Variants in CIT observed in about 807,000 individuals in gnomAD.
CIT encodes citron Rho-interacting kinase.
In CIT, 79 loss-of-function variants were observed where a neutral mutation model predicts 272.7. That is an observed-to-expected ratio of 0.29 (90% CI 0.24 to 0.35). The LOEUF (loss-of-function observed/expected upper bound fraction) is 0.35, where lower values mean the gene tolerates loss of function less well. CIT is among the 10% of genes least tolerant of loss of function. The pLI, the probability that CIT is intolerant of heterozygous loss-of-function variation, is 1.00. For synonymous variants in CIT, 948 were observed against 995.6 expected, an observed-to-expected ratio of 0.95 and a Z score of 0.90; for missense variants, 1,909 against 2,618.3, an observed-to-expected ratio of 0.73 and a Z score of 5.91.
chr12:119,757,856 T>C (rs1160395131), intron 21 of CIT, among the ~76,000 whole-genome samples: 1 of 152,182 alleles, frequency 6.6e-6, no homozygotes, highest in Non-Finnish European at 1.5e-5. Flanking sequence ...TGTGAGTCTG[T>C]GTAGGGACAG....
At chr12:119,863,002 A>G (rs2138352144) in intron 3 of CIT, among the ~76,000 whole-genome samples, 1 of 149,834 alleles carries the variant, frequency 6.7e-6, no homozygotes, top group East Asian at 2.0e-4. Context: ...CAAGAGTTGG[A>G]GACCAGCGTG....
At chr12:119,826,394 A>G (rs1041138990) in intron 7 of CIT, among the ~76,000 whole-genome samples, 1 of 152,194 alleles carries the variant, frequency 6.6e-6, no homozygotes, top group African/African-American at 2.4e-5. Context: ...TAACCCATTT[A>G]AAGGACTGTC....
chr12:119,698,308 G>C, intron 44 of CIT: 1 of 461,570 alleles, frequency 2.2e-6, no homozygotes, highest in Non-Finnish European at 4.0e-6. Context: ...TAATACATCT[G>C]GCTGGGCGTG....
At chr12:119,706,068 T>C (rs1956863882) in intron 40 of CIT, among the ~76,000 whole-genome samples, 1 of 145,000 alleles carries the variant, frequency 6.9e-6, no homozygotes, top group African/African-American at 2.7e-5. Context: ...CCAGCCTGGG[T>C]GACAGAGCAA....
intron 13 of CIT, among the ~76,000 whole-genome samples, chr12:119,779,898 C>T (rs967342949): frequency 6.6e-6 from 1 of 152,198 alleles, no homozygotes; most frequent in African/African-American, 2.4e-5. Flanking sequence ...AGCAGCTAAC[C>T]AAATCCCTGC....
At chr12:119,863,413 C>G (rs899897140) in intron 3 of CIT, among the ~76,000 whole-genome samples, 9 of 152,110 alleles carry the variant, frequency 5.9e-5, no homozygotes, top group African/African-American at 1.7e-4. Flanking sequence ...CTATTGGTTA[C>G]TAGGCTTAGT....
At chr12:119,814,055 C>G (rs1343380613) in intron 9 of CIT, among the ~76,000 whole-genome samples, 4 of 152,154 alleles carry the variant, frequency 2.6e-5, no homozygotes, top group Non-Finnish European at 5.9e-5. Flanking sequence ...ACTTTCAACC[C>G]TAACTTTATT....
At chr12:119,851,613 G>C (rs1215459339) in intron 4 of CIT, among the ~76,000 whole-genome samples, 1 of 152,184 alleles carries the variant, frequency 6.6e-6, no homozygotes, top group Non-Finnish European at 1.5e-5. Flanking sequence ...GCCAAGTTGG[G>C]AACAATTTAA....
Position 119,704,401 on chromosome 12 carries a change from G to A in CIT, c.5266C>T (p.Arg1756Cys), listed in dbSNP as rs1451996113. 8 of 1,613,966 alleles carry A rather than the reference G, an allele frequency of 5.0e-6. No homozygotes were observed. Among genetic ancestry groups the A allele is most frequent in the Admixed American group, 1.7e-5 (1 of 60,014 alleles). The change falls in exon 41 of 48, where the codon CGC (arginine) becomes TGC (cysteine). Residue 1756 changes from arginine (R) to cysteine (C), a missense_variant. This residue lies in a region of CIT where 780 missense variants were observed against 1,067.2 expected (regional missense o/e 0.73). Transcript: ENST00000392521. ...TATTTGCTGAGGTTTTCGTTGTAGCGGAGAATGACGACTTTGCTGGGCATG... is the reference window on the plus strand; with the variant it reads ...TATTTGCTGAGGTTTTCGTTGTAGCAGAGAATGACGACTTTGCTGGGCATG... ...AAMPSKVVIL[R>C]YNENLSKYCI...
chr12:119,755,538 T>C (rs1406547027), intron 22 of CIT, among the ~76,000 whole-genome samples: 2 of 152,200 alleles, frequency 1.3e-5, no homozygotes, highest in African/African-American at 2.4e-5. Context: ...AGACATTGTA[T>C]CTTCCCTCCC....
At chr12:119,767,566 AAT>A (rs1443057539) in intron 18 of CIT, among the ~76,000 whole-genome samples, 1 of 152,234 alleles carries the variant, frequency 6.6e-6, no homozygotes, top group Non-Finnish European at 1.5e-5. Context: ...AAGTCATTTT[AAT>A]ATATGATTAT....
rs1482512813 is a variant in CIT at position 119,713,310 on chromosome 12, T to G, written c.4488-16A>C. 6.2e-7 allele frequency: 1 copy of G among 1,611,486 alleles called. No homozygotes were observed. Among genetic ancestry groups the G allele is most frequent in the Admixed American group, 1.7e-5 (1 of 59,832 alleles). ...TTTGTTATTCCTGGGGAAAGAAAGA[T>G]GGAAAAGAAAAATGTCTGAACTCAG... On this transcript the variant is annotated splice_polypyrimidine_tract_variant and intron_variant, in intron 34 of 47. Coordinates refer to ENST00000392521, the MANE Select transcript of CIT (RefSeq NM_001206999.2). The surrounding 1 kb of genome is among the most constrained non-coding windows in gnomAD (Gnocchi z 5.2).
intron 3 of CIT, among the ~76,000 whole-genome samples, chr12:119,868,260 A>G (rs1465426283): frequency 5.9e-5 from 9 of 152,238 alleles, no homozygotes; most frequent in South Asian, 4.1e-4. Context: ...CTACATTAGT[A>G]TAAAGATGAA....
intron 20 of CIT, 66 bp from the exon 21 acceptor site, chr12:119,758,766 A>G (rs1961363020): frequency 9.4e-7 from 1 of 1,068,106 alleles, no homozygotes; most frequent in Admixed American, 1.7e-5. Flanking sequence ...AGTGCGGGCC[A>G]GGGTAAAAGT....
chr12:119,826,052 C>A (rs1261050739), intron 7 of CIT, among the ~76,000 whole-genome samples: 1 of 151,792 alleles, frequency 6.6e-6, no homozygotes, highest in African/African-American at 2.4e-5. Context: ...TGGGTGACAG[C>A]GAGACTGTAA....
chr12:119,715,953 T>C (rs575322846), intron 32 of CIT, among the ~76,000 whole-genome samples: 4 of 152,316 alleles, frequency 2.6e-5, no homozygotes, highest in African/African-American at 9.6e-5. Flanking sequence ...ACTTTGAAAC[T>C]GTGTGGTGCA....
intron 7 of CIT, among the ~76,000 whole-genome samples, chr12:119,829,878 T>C (rs1968484605): frequency 6.6e-6 from 1 of 151,982 alleles, no homozygotes; most frequent in African/African-American, 2.4e-5. Flanking sequence ...GTATCCAAAA[T>C]ACGAAGATAT....
chr12:119,789,173 C>G (rs972629432), intron 10 of CIT, among the ~76,000 whole-genome samples: 4 of 152,168 alleles, frequency 2.6e-5, no homozygotes, highest in Non-Finnish European at 4.4e-5. Context: ...CGGGAAGCAA[C>G]ATTTGTATTA....
At chr12:119,865,635 C>T (rs1475663670) in intron 3 of CIT, among the ~76,000 whole-genome samples, 2 of 152,020 alleles carry the variant, frequency 1.3e-5, no homozygotes, top group Non-Finnish European at 2.9e-5. Flanking sequence ...TTTCGGAGGC[C>T]GAGGCAGGCA....
Sources: allele counts gnomAD v4.1 joint callset (sites outside exome capture counted in the v4.1 genomes callset), GRCh38; gene constraint gnomAD v4.1.1; regional missense constraint gnomAD v4.1.1; non-coding constraint Gnocchi (gnomAD v3.1); transcripts MANE v1.5; gene names NCBI Gene and HGNC (gene_info 2026-07-23, HGNC 2026-07-21).